AGBL4: variants seen among roughly 807,000 people sequenced by gnomAD.
AGBL4 encodes cytosolic carboxypeptidase 6.
Under a neutral mutation model 66.4 loss-of-function variants are expected in AGBL4, and 58 were observed. The observed-to-expected ratio is 0.87, with a 90% CI of 0.71 to 1.09. The LOEUF (loss-of-function observed/expected upper bound fraction) is 1.09. AGBL4 is among the 50% of genes least tolerant of loss of function. The pLI is 0.00. For synonymous variants in AGBL4, 234 were observed against 222.9 expected, an observed-to-expected ratio of 1.05 and a Z score of -0.44; for missense variants, 579 against 631.0, an observed-to-expected ratio of 0.92 and a Z score of 0.88.
chr1:50,016,854 T>C (rs1662020584), intron 1 of AGBL4, among the ~76,000 whole-genome samples: 1 of 152,154 alleles, frequency 6.6e-6, no homozygotes, highest in Non-Finnish European at 1.5e-5. Flanking sequence ...GAATATAAAT[T>C]AGTTCAGCTG....
chr1:49,102,146 T>G (rs1645214315), intron 4 of AGBL4, among the ~76,000 whole-genome samples: 1 of 152,090 alleles, frequency 6.6e-6, no homozygotes, highest in Non-Finnish European at 1.5e-5. Context: ...GTCTCCTATC[T>G]GAGGAACAAC....
intron 10 of AGBL4, among the ~76,000 whole-genome samples, chr1:48,589,884 C>T (rs1469493652): frequency 1.3e-5 from 2 of 152,152 alleles, no homozygotes; most frequent in African/African-American, 2.4e-5. Context: ...TAAAAGCAGA[C>T]CCTGGGGAAA....
intron 6 of AGBL4, among the ~76,000 whole-genome samples, chr1:48,712,952 C>G (rs1467047432): frequency 6.6e-6 from 1 of 152,154 alleles, no homozygotes; most frequent in East Asian, 1.9e-4. Flanking sequence ...TGCCCATGTA[C>G]CAGTACCTGT....
At chr1:49,662,111 T>A (rs1231842256) in intron 3 of AGBL4, among the ~76,000 whole-genome samples, 3 of 151,084 alleles carry the variant, frequency 2.0e-5, no homozygotes, top group Admixed American at 2.0e-4. Flanking sequence ...ATAACATGGG[T>A]GGAGGAGGCT....
chr1:49,799,725 C>A (rs1644814506), intron 2 of AGBL4, among the ~76,000 whole-genome samples: 1 of 152,102 alleles, frequency 6.6e-6, no homozygotes, highest in Admixed American at 6.5e-5. Context: ...TACCATATGA[C>A]ATTATAAAAG....
intron 3 of AGBL4, among the ~76,000 whole-genome samples, chr1:49,526,099 A>G (rs1202715688): frequency 1.3e-5 from 2 of 151,914 alleles, no homozygotes; most frequent in Non-Finnish European, 2.9e-5. Context: ...GTCTCAAAAA[A>G]AACAAAAAAA....
At chr1:50,012,851 T>C (rs1217198893) in intron 1 of AGBL4, among the ~76,000 whole-genome samples, 1 of 152,202 alleles carries the variant, frequency 6.6e-6, no homozygotes. Context: ...TAAAATTTTC[T>C]GAGAACAACT....
intron 5 of AGBL4, among the ~76,000 whole-genome samples, chr1:48,986,400 A>C (rs1448514492): frequency 1.3e-5 from 2 of 152,098 alleles, no homozygotes; most frequent in Admixed American, 1.3e-4. Context: ...AATAAAGAGG[A>C]AACTTGAATG....
chr1:48,620,840 GT>G (rs1324603518), intron 9 of AGBL4, among the ~76,000 whole-genome samples: 1 of 152,022 alleles, frequency 6.6e-6, no homozygotes, highest in African/African-American at 2.4e-5. Context: ...TGTATGTGGT[GT>G]TTTTTTAATC....
At chr1:49,283,712 C>T (rs1481032237) in intron 3 of AGBL4, among the ~76,000 whole-genome samples, 4 of 149,040 alleles carry the variant, frequency 2.7e-5, no homozygotes, top group African/African-American at 7.5e-5. Flanking sequence ...TCAAGAACTA[C>T]GTGAAGAATG....
chr1:48,791,384 T>A (rs1039944771), intron 6 of AGBL4, among the ~76,000 whole-genome samples: 1 of 152,146 alleles, frequency 6.6e-6, no homozygotes, highest in Non-Finnish European at 1.5e-5. Flanking sequence ...TTGGAGTCTA[T>A]CTATAGTCCT....
intron 2 of AGBL4, among the ~76,000 whole-genome samples, chr1:49,819,991 C>T (rs1645326780): frequency 6.6e-6 from 1 of 152,148 alleles, no homozygotes; most frequent in Non-Finnish European, 1.5e-5. Context: ...AGAGGAAGAA[C>T]GCTAGGCACT....
chr1:49,530,554 C>T (rs1651055384), intron 3 of AGBL4, among the ~76,000 whole-genome samples: 1 of 152,008 alleles, frequency 6.6e-6, no homozygotes, highest in South Asian at 2.1e-4. Context: ...TATATCCCAG[C>T]CACCTCTCTG....
At chr1:49,902,259 G>A (rs1649832237) in intron 1 of AGBL4, among the ~76,000 whole-genome samples, 1 of 152,070 alleles carries the variant, frequency 6.6e-6, no homozygotes, top group Non-Finnish European at 1.5e-5. Flanking sequence ...CTAGAGAATG[G>A]AAGAAAATAC....
intron 9 of AGBL4, among the ~76,000 whole-genome samples, chr1:48,628,934 G>C (rs1645548962): frequency 7.1e-6 from 1 of 140,272 alleles, no homozygotes; most frequent in Admixed American, 7.3e-5. Context: ...TTTCATAAGG[G>C]TCTGGCCTTC....
chr1:49,657,026 G>C (rs1047403579), intron 3 of AGBL4, among the ~76,000 whole-genome samples: 1 of 152,122 alleles, frequency 6.6e-6, no homozygotes, highest in Non-Finnish European at 1.5e-5. Context: ...ACAGGAGAAA[G>C]AAATAAAGGG....
intron 3 of AGBL4, among the ~76,000 whole-genome samples, chr1:49,697,002 T>C (rs1399427888): frequency 6.6e-6 from 1 of 152,138 alleles, no homozygotes; most frequent in Non-Finnish European, 1.5e-5. Flanking sequence ...TTTGTAAACA[T>C]AATAGCAAGT....
chr1:49,303,379 G>T (rs1644789810), intron 3 of AGBL4, among the ~76,000 whole-genome samples: 1 of 152,016 alleles, frequency 6.6e-6, no homozygotes, highest in Non-Finnish European at 1.5e-5. Flanking sequence ...TCTCACTGTG[G>T]CTTTGATTTG....
intron 3 of AGBL4, among the ~76,000 whole-genome samples, chr1:49,250,440 AT>A (rs1242148895): frequency 0.021 from 2,593 of 122,690 alleles, 50 homozygotes; most frequent in African/African-American, 0.069. Flanking sequence ...ACAGGAACTA[AT>A]TTTTTTTTTT....
Sources: allele counts gnomAD v4.1 joint callset (sites outside exome capture counted in the v4.1 genomes callset), GRCh38; gene constraint gnomAD v4.1.1; transcripts MANE v1.5; gene names NCBI Gene and HGNC (gene_info 2026-07-23, HGNC 2026-07-21).